Variants in RGL3 observed in about 807,000 individuals in gnomAD.
RGL3 encodes the protein ral guanine nucleotide dissociation stimulator-like 3.
RGL3 carries 85 observed loss-of-function variants against 90.6 expected under a neutral mutation model. The observed-to-expected ratio is 0.94, with a 90% CI of 0.79 to 1.12. The LOEUF (loss-of-function observed/expected upper bound fraction) is 1.12. Ranked by LOEUF, RGL3 falls within the 50% of genes most tolerant of loss-of-function variation. The probability of loss-of-function intolerance (pLI) is 0.00; values close to 1 mark genes in which losing one functional copy is unlikely to be tolerated. For synonymous variants in RGL3, 408 were observed against 385.5 expected (o/e 1.06, Z -0.68); for missense variants, 1,034 against 939.2 (o/e 1.10, Z -1.32).
In RGL3 at chr19:11,402,008, C is replaced by T. The variant is rs375907834; in HGVS notation, c.1484+3G>A. The T allele has an allele frequency of 8.5e-6, 13 of 1,535,576 alleles. No homozygotes were observed. The African/African-American group carries it at 1.5e-4, about 18-fold the overall frequency. On this transcript the variant is annotated splice_donor_region_variant and intron_variant, in intron 13 of 18. Transcript: ENST00000380456. Reference sequence around the variant, plus strand: ...GGGCTGGGACAGGCTACAGGGTGGTCACCTCTGCTCCTCGGTGAGCTGGTT... The same window carrying T: ...GGGCTGGGACAGGCTACAGGGTGGTTACCTCTGCTCCTCGGTGAGCTGGTT...
rs764918189 is a variant in RGL3, at chr19:11,405,316, A to C, written c.1100+7T>G. Reference sequence around the variant, plus strand: ...TGGGCTGGGGAACAGGTCCCGCCCCAGCTCACCGGCTCACTGCCCCCCAGC... The same window carrying C: ...TGGGCTGGGGAACAGGTCCCGCCCCCGCTCACCGGCTCACTGCCCCCCAGC... On this transcript the variant is annotated splice_region_variant and intron_variant, in intron 8 of 18. Coordinates refer to ENST00000380456, the MANE Select transcript of RGL3 (RefSeq NM_001035223.4). 4.3e-6 allele frequency: 7 copies of C among 1,613,370 alleles called. No individual in the cohort carries two copies. In the African/African-American group the frequency reaches 9.3e-5, roughly 22 times the overall value.
In RGL3 at chr19:11,416,638, T is replaced by A; in HGVS notation, c.401A>T (p.Asp134Val). The A allele has an allele frequency of 6.2e-7, 1 of 1,614,092 alleles. No homozygotes were observed. The highest frequency in any genetic ancestry group is 8.5e-7 in the Non-Finnish European group (1 of 1,180,014). The part of the protein sequence containing the change: ...GVEIKKTAVQ[D>V]LSFNKNLRAV... ...CCTCAGGTTCTTGTTGAAGCTCAGATCTTGTACCGCTGTCTTCTTGATCTC... is the reference window on the plus strand; with the variant it reads ...CCTCAGGTTCTTGTTGAAGCTCAGAACTTGTACCGCTGTCTTCTTGATCTC... The change falls in exon 4 of 19, where the codon GAT (aspartate) becomes GTT (valine). Residue 134 changes from aspartate (D) to valine (V), a missense_variant. Physicochemically the swap from Asp to Val is radical, Grantham distance 152 (BLOSUM62 -3). Transcript: ENST00000380456.
chr19:11,403,594 C>T (rs184587047), intron 9 of RGL3, among the ~76,000 whole-genome samples: 19 of 146,436 alleles, frequency 1.3e-4, no homozygotes, highest in Admixed American at 6.2e-4. Flanking sequence ...GAGCCAAGAT[C>T]GCACCATTGC....
intron 5 of RGL3, among the ~76,000 whole-genome samples, chr19:11,414,038 G>T (rs1182545835): frequency 2.7e-5 from 4 of 147,128 alleles, no homozygotes; most frequent in Non-Finnish European, 6.0e-5. Context: ...GAGCCGCCGC[G>T]CCCAGCCAAT....
At chr19:11,418,522 C>CCCCTTTCTA in intron 2 of RGL3, 149 bp downstream of exon 2, 1 of 613,890 alleles carries the variant, frequency 1.6e-6, no homozygotes, top group South Asian at 2.0e-5. Context: ...CGCCCCCAGT[C>CCCCTTTCTA]CCCTTTCTAC....
At chr19:11,418,865 C>G in intron 1 of RGL3, 81 bp from the exon 2 acceptor site, 1 of 1,144,644 alleles carries the variant, frequency 8.7e-7, no homozygotes, top group Non-Finnish European at 1.2e-6. Flanking sequence ...GGACTCGGGC[C>G]GAGTCCTCCT....
rs1364683658 is a variant in RGL3 at position 11,397,582 on chromosome 19, C to T, written c.1762G>A (p.Asp588Asn). The T allele has an allele frequency of 1.9e-6, 3 of 1,570,428 alleles. No individual in the cohort carries two copies. Among genetic ancestry groups the T allele is most frequent in the Non-Finnish European group, 2.6e-6 (3 of 1,156,716 alleles). ...GCGAAGGGCCGGGGGCTGGGCAGGT[C>T]CAGGCTCAGGGGCAGCTGCAGGCAG... ...GPSTKLPLSLDLPSPRPFALP... is the reference protein window; with the variant it reads ...GPSTKLPLSLNLPSPRPFALP... Residue 588 changes from aspartate (D) to asparagine (N), a missense_variant, in exon 17 of 19, where the codon GAC becomes AAC. Asp to Asn is a conservative substitution (Grantham distance 23). Coordinates refer to ENST00000380456, the MANE Select transcript of RGL3 (RefSeq NM_001035223.4).
At chr19:11,406,347 C>A in intron 7 of RGL3, 72 bp downstream of exon 7, 1 of 1,410,338 alleles carries the variant, frequency 7.1e-7, no homozygotes, top group South Asian at 1.3e-5. Flanking sequence ...CCCTATCTCT[C>A]TCCGGAGCCC....
In RGL3 at chr19:11,405,334, C is replaced by CCCCCAG; in HGVS notation, c.1083_1088dup (p.Trp362_Gly363dup). On this transcript the variant is annotated inframe_insertion, in exon 8 of 19. Coordinates refer to ENST00000380456, the MANE Select transcript of RGL3 (RefSeq NM_001035223.4). ...CCGCCCCAGCTCACCGGCTCACTGC[C>CCCCCAG]CCCCAGCTGCGCTTGAGCCGGTAGA... 6.2e-7 allele frequency: 1 copy of CCCCCAG among 1,613,258 alleles called. No individual in the cohort carries two copies. Among genetic ancestry groups the CCCCCAG allele is most frequent in the Non-Finnish European group, 8.5e-7 (1 of 1,179,710 alleles).
chr19:11,418,687 C>A lies in RGL3; in HGVS notation c.131G>T (p.Gly44Val). 6.4e-7 allele frequency: 1 copy of A among 1,558,840 alleles called. No homozygotes were observed. Residue 44 changes from glycine to valine, a missense_variant, in exon 2 of 19, where the codon GGC (glycine) becomes GTC (valine). Coordinates refer to ENST00000380456, the MANE Select transcript of RGL3 (RefSeq NM_001035223.4). ...QRSQRRSPAE[G>V]PGGSQAPSPI... ...CCTCCTCACCTGGCTGCCCCCGGGG[C>A]CCTCCGCCGGGCTCCTGCGCTGACT... is the stretch of plus-strand genomic sequence containing the variant.
chr19:11,405,492 ATCTTTTTTTTTTTTTTTT>A, intron 7 of RGL3, 66 bp from the exon 8 acceptor site: 1 of 132,452 alleles, frequency 7.5e-6, no homozygotes, highest in Non-Finnish European at 1.5e-5. Context: ...AAACTTCTTC[ATCTTTTTTTTTTTTTTTT>A]TTTTTTTTTT....
chr19:11,408,211 C>T (rs1968814443), intron 5 of RGL3, among the ~76,000 whole-genome samples: 1 of 152,250 alleles, frequency 6.6e-6, no homozygotes, highest in Admixed American at 6.5e-5. Flanking sequence ...AGCGATCCTC[C>T]CTCTTGGCTT....
At position 11,401,870 on chromosome 19, in the gene RGL3, C is replaced by G. The variant is rs190984108; in HGVS notation, c.1484+141G>C. 6.2e-6 allele frequency: 7 copies of G among 1,130,202 alleles called. No homozygotes were observed. In the Admixed American group the frequency reaches 1.5e-4, roughly 24 times the overall value. 70.0% of individuals were successfully genotyped at this position (1,130,202 alleles called of 1,614,324 possible). Reference sequence around the variant, plus strand: ...CTATTTGATTCGACTGGAGATACTGCAAGGTCACAGGTTGTAGTGGGGGAT... The same window carrying G: ...CTATTTGATTCGACTGGAGATACTGGAAGGTCACAGGTTGTAGTGGGGGAT... On this transcript the variant is annotated intron_variant, in intron 13 of 18. Transcript: ENST00000380456.
chr19:11,400,957 T>A (rs1015623806), intron 13 of RGL3, among the ~76,000 whole-genome samples: 4 of 151,696 alleles, frequency 2.6e-5, no homozygotes, highest in East Asian at 1.9e-4. Context: ...ATGGTTAGGG[T>A]CACAGTTATA....
chr19:11,404,906 T>C (rs1968742037), intron 9 of RGL3, among the ~76,000 whole-genome samples: 1 of 152,216 alleles, frequency 6.6e-6, no homozygotes, highest in Non-Finnish European at 1.5e-5. Context: ...TAACCTTTTC[T>C]TTGTGACTTC....
In RGL3 at chr19:11,400,150, C is replaced by T. The variant is rs532489333; in HGVS notation, c.1581-42G>A. 6.3e-6 allele frequency: 10 copies of T among 1,578,572 alleles called. No homozygotes were observed. The East Asian group carries it at 1.6e-4, about 25-fold the overall frequency. On this transcript the variant is annotated intron_variant, in intron 14 of 18. Transcript: ENST00000380456. ...GGGATGAGGCTAAGGCAGGAGCAGCCCTTGCTGATATCTGCCCACATCACC... is the reference window on the plus strand; with the variant it reads ...GGGATGAGGCTAAGGCAGGAGCAGCTCTTGCTGATATCTGCCCACATCACC...
chr19:11,399,106 T>C (rs990010939), intron 16 of RGL3, among the ~76,000 whole-genome samples: 4 of 152,114 alleles, frequency 2.6e-5, no homozygotes, highest in African/African-American at 9.7e-5. Flanking sequence ...ACCCAGCTAA[T>C]TTTTTTGACT....
chr19:11,400,015 TC>T (rs768549039), intron 15 of RGL3, 24 bp downstream of exon 15: 1 of 1,602,432 alleles, frequency 6.2e-7, no homozygotes, highest in South Asian at 1.1e-5. Flanking sequence ...TGATCCCCAG[TC>T]CCATCACCAA....
intron 5 of RGL3, among the ~76,000 whole-genome samples, chr19:11,410,452 TAGG>T (rs1968855329): frequency 6.6e-6 from 1 of 151,824 alleles, no homozygotes; most frequent in Admixed American, 6.6e-5. Flanking sequence ...GAGGTTGAGG[TAGG>T]AGGATTGCTT....
Sources: allele counts gnomAD v4.1 joint callset (sites outside exome capture counted in the v4.1 genomes callset), GRCh38; gene constraint gnomAD v4.1.1; transcripts MANE v1.5; gene names NCBI Gene and HGNC (gene_info 2026-07-23, HGNC 2026-07-21).